Variants in MAP1B observed in about 807,000 individuals in gnomAD.
MAP1B encodes the protein microtubule-associated protein 1B.
A neutral mutation model predicts 176.1 loss-of-function variants in MAP1B; 12 were observed. That is an observed-to-expected ratio of 0.07 (90% CI 0.04 to 0.11). MAP1B has a LOEUF of 0.11. Ranked by LOEUF, MAP1B falls within the 10% of genes least tolerant of loss-of-function variation. The pLI is 1.00. For missense variants in MAP1B, 2,523 were observed against 2,990.5 expected (o/e 0.84, Z 3.65); for synonymous variants, 1,044 against 1,135.0 (o/e 0.92, Z 1.61).
chr5:72,155,610 T>G (rs1009046013), intron 2 of MAP1B, among the ~76,000 whole-genome samples: 1 of 152,010 alleles, frequency 6.6e-6, no homozygotes, highest in Non-Finnish European at 1.5e-5. Context: ...ATCAGTGGAG[T>G]CAGGAGAGTG....
At chr5:72,136,241 A>G (rs1223831783) in intron 2 of MAP1B, among the ~76,000 whole-genome samples, 1 of 151,842 alleles carries the variant, frequency 6.6e-6, no homozygotes, top group Non-Finnish European at 1.5e-5. Flanking sequence ...CTCTATTCCC[A>G]CCCCCAGCAC....
rs1400651973 is a variant in MAP1B, at chr5:72,198,638, A to G, written c.5283A>G (p.Leu1761=). Residue 1761 remains leucine (L), a synonymous_variant, in exon 5 of 7, where the codon TTA becomes TTG. Coordinates refer to ENST00000296755, the MANE Select transcript of MAP1B (RefSeq NM_005909.5). ...SDVAPPRDMS[L]YASLTSEKVQ... ...TTGCTCCTCCCAGAGATATGTCCTT[A>G]TATGCCTCACTCACCTCTGAAAAAG... The G allele has an allele frequency of 1.9e-6, 3 of 1,614,174 alleles. No individual in the cohort carries two copies. The East Asian group carries it at 6.7e-5, about 36-fold the overall frequency.
intron 2 of MAP1B, among the ~76,000 whole-genome samples, chr5:72,122,231 C>T (rs1180412065): frequency 2.0e-5 from 3 of 152,134 alleles, no homozygotes; most frequent in Non-Finnish European, 4.4e-5. Context: ...CTGAGCCCTC[C>T]TGGCCCGGTT....
chr5:72,199,015 A>T lies in MAP1B; in HGVS notation c.5660A>T (p.Tyr1887Phe). The change falls in exon 5 of 7, where the codon TAT becomes TTT. Residue 1887 changes from tyrosine (Y) to phenylalanine (F), a missense_variant. Around this residue, in one of 4 missense-constraint regions of MAP1B, gnomAD observed 1,925 missense variants for 2,126.0 expected, o/e 0.91. Coordinates refer to ENST00000296755, the MANE Select transcript of MAP1B (RefSeq NM_005909.5). This position sits in a 1 kb window ranked among gnomAD's most constrained non-coding sequence, Gnocchi z 4.2. ...ACCAGGTCCCCAGATGAAGAAGATT[A>T]TGACTATGAGTCTTATGAGAAGACC... ...ETTRSPDEED[Y>F]DYESYEKTTR... is the part of the protein sequence containing the mutation. 6.2e-7 allele frequency: 1 copy of T among 1,614,190 alleles called. No individual in the cohort carries two copies. Among genetic ancestry groups the T allele is most frequent in the Non-Finnish European group, 8.5e-7 (1 of 1,180,038 alleles).
intron 2 of MAP1B, among the ~76,000 whole-genome samples, chr5:72,137,872 A>G (rs1745865142): frequency 6.6e-6 from 1 of 152,208 alleles, no homozygotes; most frequent in South Asian, 2.1e-4. Context: ...AATAGCCTCA[A>G]TCAATTACTC....
intron 2 of MAP1B, among the ~76,000 whole-genome samples, chr5:72,155,207 A>T (rs1746206999): frequency 6.6e-6 from 1 of 152,144 alleles, no homozygotes; most frequent in Non-Finnish European, 1.5e-5. Flanking sequence ...TAGTGATCCT[A>T]TGTTTGGTAC....
chr5:72,180,142 G>A (rs1412027200), intron 2 of MAP1B, among the ~76,000 whole-genome samples: 1 of 152,154 alleles, frequency 6.6e-6, no homozygotes, highest in Non-Finnish European at 1.5e-5. Flanking sequence ...CGTTGTGTAG[G>A]ATCACTTCAG....
chr5:72,185,992 A>G (rs1374255606), intron 3 of MAP1B, among the ~76,000 whole-genome samples: 1 of 152,210 alleles, frequency 6.6e-6, no homozygotes, highest in East Asian at 1.9e-4. Flanking sequence ...ATGTGCAATT[A>G]TCTCAAAGAT....
intron 2 of MAP1B, among the ~76,000 whole-genome samples, chr5:72,162,663 G>C (rs148451826): frequency 6.6e-6 from 1 of 152,238 alleles, no homozygotes; most frequent in African/African-American, 2.4e-5. Context: ...GTGGAGTCCA[G>C]GGTCTTTGCT....
intron 1 of MAP1B, among the ~76,000 whole-genome samples, chr5:72,108,031 G>A (rs527615090): frequency 2.0e-5 from 3 of 152,312 alleles, no homozygotes; most frequent in African/African-American, 7.2e-5. Flanking sequence ...CCACAATAAA[G>A]CCGCAACCGC....
chr5:72,135,649 C>T (rs1181522871), intron 2 of MAP1B, among the ~76,000 whole-genome samples: 2 of 152,182 alleles, frequency 1.3e-5, no homozygotes, highest in South Asian at 2.1e-4. Context: ...TCTCAGTTCT[C>T]CATATTTGGA....
rs1386249541 is a variant in MAP1B at position 72,140,640 on chromosome 5, A to G, written c.286+24841A>G. ...TAATTGTGACAGAAACTGGGACAAA[A>G]ATAACGTGGGAGGAACATGTTAAAA... On this transcript the variant is annotated intron_variant, in intron 2 of 6. Coordinates refer to ENST00000296755, the MANE Select transcript of MAP1B (RefSeq NM_005909.5). Among the ~76,000 whole-genome samples the G allele has an allele frequency of 3.3e-5, 5 of 152,248 alleles. No individual in the cohort carries two copies. In the East Asian group the frequency reaches 9.6e-4, roughly 29 times the overall value.
intron 2 of MAP1B, among the ~76,000 whole-genome samples, chr5:72,174,000 T>C (rs536484389): frequency 4.5e-4 from 69 of 152,336 alleles, no homozygotes; most frequent in Admixed American, 7.8e-4. Context: ...CATGGCGGCC[T>C]GTGCCTGTGG....
chr5:72,170,838 T>C (rs1746522163), intron 2 of MAP1B, among the ~76,000 whole-genome samples: 1 of 150,322 alleles, frequency 6.7e-6, no homozygotes, highest in African/African-American at 2.4e-5. Flanking sequence ...TCCCAGCTAG[T>C]CGGGAGGCTG....
At chr5:72,137,736 T>G (rs529040916) in intron 2 of MAP1B, among the ~76,000 whole-genome samples, 1 of 152,334 alleles carries the variant, frequency 6.6e-6, no homozygotes, top group Non-Finnish European at 1.5e-5. Context: ...AACTATACTT[T>G]CTCTTATTAA....
At position 72,197,656 on chromosome 5, in the gene MAP1B, G is replaced by C. The variant is rs150780570; in HGVS notation, c.4301G>C (p.Gly1434Ala). The C allele has an allele frequency of 5.0e-6, 8 of 1,614,062 alleles. No homozygotes were observed. Among genetic ancestry groups the C allele is most frequent in the Non-Finnish European group, 6.8e-6 (8 of 1,180,034 alleles). ...GAAAGTCCTTTTGAAGAAAAGAGTGGAAAACAAGGCTCTCCAGACCAAGTA... is the reference window on the plus strand; with the variant it reads ...GAAAGTCCTTTTGAAGAAAAGAGTGCAAAACAAGGCTCTCCAGACCAAGTA... Reference protein sequence around the residue: ...GAESPFEEKSGKQGSPDQVSP... With the variant: ...GAESPFEEKSAKQGSPDQVSP... The change falls in exon 5 of 7, where the codon GGA becomes GCA. Residue 1434 changes from glycine (G) to alanine (A), a missense_variant. Physicochemically the swap from Gly to Ala is moderately conservative, Grantham distance 60 (BLOSUM62 0). Coordinates refer to ENST00000296755, the MANE Select transcript of MAP1B (RefSeq NM_005909.5).
In MAP1B at chr5:72,198,309, G is replaced by C; in HGVS notation, c.4954G>C (p.Glu1652Gln). Reference protein sequence around the residue: ...QSSMSIEFGQESPEQSLAMDF... With the variant: ...QSSMSIEFGQQSPEQSLAMDF... ...CTCAATGTCTATTGAATTTGGCCAA[G>C]AATCTCCTGAGCAATCCCTTGCTAT... is the stretch of plus-strand genomic sequence containing the variant. Residue 1652 changes from glutamate (E) to glutamine (Q), a missense_variant, in exon 5 of 7, where the codon GAA (glutamate) becomes CAA (glutamine). Glu to Gln is a conservative substitution (Grantham distance 29). Around this residue, in one of 4 missense-constraint regions of MAP1B, gnomAD observed 1,925 missense variants for 2,126.0 expected, o/e 0.91. Coordinates refer to ENST00000296755, the MANE Select transcript of MAP1B (RefSeq NM_005909.5). 6.2e-7 allele frequency: 1 copy of C among 1,614,188 alleles called. No individual in the cohort carries two copies. The highest frequency in any genetic ancestry group is 8.5e-7 in the Non-Finnish European group (1 of 1,180,036).
chr5:72,200,732 T>A, intron 5 of MAP1B, among the ~76,000 whole-genome samples: 1 of 152,084 alleles, frequency 6.6e-6, no homozygotes, highest in East Asian at 1.9e-4. Flanking sequence ...TCCAGCAGGG[T>A]AACACAGGCC....
intron 2 of MAP1B, among the ~76,000 whole-genome samples, chr5:72,171,901 T>G (rs1746548906): frequency 6.6e-6 from 1 of 152,200 alleles, no homozygotes; most frequent in Non-Finnish European, 1.5e-5. Context: ...AGGTGCTGAT[T>G]CTGTCGTCAC....
Sources: gnomAD v4.1 joint callset for allele counts (sites outside exome capture counted in the v4.1 genomes callset) on GRCh38, gnomAD v4.1.1 for gene constraint, gnomAD v4.1.1 regional missense constraint, Gnocchi (gnomAD v3.1) non-coding constraint, MANE v1.5 for transcripts, NCBI Gene and HGNC (gene_info 2026-07-23, HGNC 2026-07-21) for gene names.